Variants in PXDNL observed in about 807,000 individuals in gnomAD.
PXDNL encodes peroxidasin like.
In PXDNL, 145 loss-of-function variants were observed where a neutral mutation model predicts 150.8. That is an observed-to-expected ratio of 0.96 (90% CI 0.84 to 1.10). The LOEUF (loss-of-function observed/expected upper bound fraction) is 1.10, where lower values mean the gene tolerates loss of function less well. PXDNL is among the 50% of genes least tolerant of loss of function. The probability of loss-of-function intolerance (pLI) is 0.00; values close to 1 mark genes in which losing one functional copy is unlikely to be tolerated. For synonymous variants in PXDNL, 757 were observed against 725.7 expected (o/e 1.04, Z -0.69); for missense variants, 2,087 against 1,873.9 (o/e 1.11, Z -2.10).
At chr8:51,483,129 GA>G (rs1487821958) in intron 6 of PXDNL, among the ~76,000 whole-genome samples, 1 of 152,208 alleles carries the variant, frequency 6.6e-6, no homozygotes, top group Non-Finnish European at 1.5e-5. Flanking sequence ...GACACAGGTG[GA>G]AAAAAGTGAT....
At chr8:51,326,841 C>T (rs952661885) in intron 21 of PXDNL, among the ~76,000 whole-genome samples, 1 of 152,032 alleles carries the variant, frequency 6.6e-6, no homozygotes, top group African/African-American at 2.4e-5. Flanking sequence ...CTCTGTACCT[C>T]AGAATGTGAT....
intron 1 of PXDNL, among the ~76,000 whole-genome samples, chr8:51,731,525 T>C (rs2130934513): frequency 6.6e-6 from 1 of 152,364 alleles, no homozygotes; most frequent in African/African-American, 2.4e-5. Context: ...GGAACTACCA[T>C]TTTGGGGTCC....
rs79130173 is a variant in PXDNL at position 51,408,474 on chromosome 8, A to G, written c.3150T>C (p.Thr1050=). 4.4e-3 allele frequency: 7,111 copies of G among 1,613,840 alleles called. 277 individuals are homozygous for G. In the African/African-American group the frequency reaches 0.081, roughly 18 times the overall value. The stretch of plus-strand genomic sequence containing the variant: ...ATGTGTGGCCAAATCTAAAGGCTGC[A>G]GTAGCAAAAGAGTTAATGATGCCTG... ...VNAGIINSFA[T]AAFRFGHTLI... Residue 1050 remains threonine, a synonymous_variant, in exon 17 of 23, where the codon ACT becomes ACC. Transcript: ENST00000356297.
chr8:51,336,759 G>T (rs9298444), intron 21 of PXDNL, among the ~76,000 whole-genome samples: 1 of 151,994 alleles, frequency 6.6e-6, no homozygotes, highest in African/African-American at 2.4e-5. Flanking sequence ...ATTCCTATCA[G>T]TCAGGCATTT....
intron 4 of PXDNL, among the ~76,000 whole-genome samples, chr8:51,524,937 G>A (rs538340623): frequency 1.3e-5 from 2 of 152,268 alleles, no homozygotes; most frequent in Non-Finnish European, 2.9e-5. Flanking sequence ...AACCAACCTA[G>A]AAAACACTAA....
chr8:51,731,911 C>T (rs1816941747), intron 1 of PXDNL, among the ~76,000 whole-genome samples: 1 of 152,162 alleles, frequency 6.6e-6, no homozygotes, highest in Non-Finnish European at 1.5e-5. Flanking sequence ...CCTTCTAGGC[C>T]TCCAAGGCCT....
intron 1 of PXDNL, among the ~76,000 whole-genome samples, chr8:51,780,654 C>CTTTTTTTTTTTTTTTTTTTTTT (rs71237240): frequency 1.9e-4 from 14 of 75,176 alleles, no homozygotes; most frequent in African/African-American, 4.4e-4. Flanking sequence ...CTTTTCTTTT[C>CTTTTTTTTTTTTTTTTTTTTTT]TTTTTTTTTT....
chr8:51,402,183 C>A (rs575674168), intron 17 of PXDNL, among the ~76,000 whole-genome samples: 4 of 152,248 alleles, frequency 2.6e-5, no homozygotes, highest in African/African-American at 9.6e-5. Context: ...AAAATAGGTA[C>A]ATATACTGAA....
At chr8:51,632,083 A>G (rs945520007) in intron 2 of PXDNL, among the ~76,000 whole-genome samples, 2 of 152,152 alleles carry the variant, frequency 1.3e-5, no homozygotes, top group African/African-American at 4.8e-5. Flanking sequence ...CATGATGCAA[A>G]TAATTTTTTT....
chr8:51,684,803 G>A (rs73574293), intron 1 of PXDNL, among the ~76,000 whole-genome samples: 5,163 of 152,202 alleles, frequency 0.034, 276 homozygotes, highest in African/African-American at 0.11. Flanking sequence ...GGGCAGTCAC[G>A]AAGAGCTAAG....
intron 1 of PXDNL, among the ~76,000 whole-genome samples, chr8:51,758,406 C>G (rs1367879957): frequency 6.6e-6 from 1 of 152,132 alleles, no homozygotes; most frequent in African/African-American, 2.4e-5. Flanking sequence ...ATGTTCAACA[C>G]TACATGGAAA....
intron 3 of PXDNL, among the ~76,000 whole-genome samples, chr8:51,560,917 C>A (rs12334791): frequency 0.3 from 44,541 of 150,602 alleles, 8,581 homozygotes; most frequent in African/African-American, 0.55. Context: ...TATACAAAGG[C>A]CTTCTACAAC....
Position 51,453,545 on chromosome 8 carries a change from T to A in PXDNL, c.1223A>T (p.Gln408Leu). 1 of 1,614,074 alleles carries A rather than the reference T, an allele frequency of 6.2e-7. No homozygotes were observed. Among genetic ancestry groups the A allele is most frequent in the Non-Finnish European group, 8.5e-7 (1 of 1,179,912 alleles). ...TTGTACAATTATGTTTGCTGCAGCT[T>A]GAACAGTGCCGTGGCTATTGTTGGC... ...CHANNSHGTVQAAANIIVQAP... is the reference protein window; with the variant it reads ...CHANNSHGTVLAAANIIVQAP... The change falls in exon 10 of 23, where the codon CAA (glutamine) becomes CTA (leucine). Residue 408 changes from glutamine (Q) to leucine (L), a missense_variant. Physicochemically the swap from Gln to Leu is moderately radical, Grantham distance 113. Transcript: ENST00000356297.
chr8:51,747,900 G>T (rs1218643904), intron 1 of PXDNL, among the ~76,000 whole-genome samples: 1 of 150,688 alleles, frequency 6.6e-6, no homozygotes, highest in East Asian at 2.0e-4. Context: ...GCCTGCCTTG[G>T]GGTCTGATCT....
chr8:51,400,535 C>T (rs1808216408), intron 17 of PXDNL, among the ~76,000 whole-genome samples: 1 of 152,174 alleles, frequency 6.6e-6, no homozygotes, highest in Non-Finnish European at 1.5e-5. Context: ...ATTTTGCACT[C>T]TGTTTTTGCT....
intron 10 of PXDNL, 78 bp downstream of exon 10, chr8:51,453,441 T>G (rs1295592419): frequency 7.2e-7 from 1 of 1,392,030 alleles, no homozygotes; most frequent in Non-Finnish European, 1.0e-6. Flanking sequence ...CTGATGTACA[T>G]GACATTATTT....
chr8:51,482,683 T>C (rs1810630454), intron 6 of PXDNL, among the ~76,000 whole-genome samples: 1 of 152,170 alleles, frequency 6.6e-6, no homozygotes, highest in Non-Finnish European at 1.5e-5. Flanking sequence ...TCTCATGAGA[T>C]CTGATGGTTT....
intron 1 of PXDNL, among the ~76,000 whole-genome samples, chr8:51,764,744 C>T (rs1426224924): frequency 1.3e-5 from 2 of 152,116 alleles, no homozygotes; most frequent in African/African-American, 4.8e-5. Flanking sequence ...TATCCTAGAG[C>T]ATGTTTTATG....
At chr8:51,509,359 A>G (rs866026935) in intron 4 of PXDNL, among the ~76,000 whole-genome samples, 15 of 152,116 alleles carry the variant, frequency 9.9e-5, no homozygotes, top group African/African-American at 3.6e-4. Context: ...CTGTCCTTCA[A>G]AACCCTCCAG....
Sources: allele counts gnomAD v4.1 joint callset (sites outside exome capture counted in the v4.1 genomes callset), GRCh38; gene constraint gnomAD v4.1.1; transcripts MANE v1.5; gene names NCBI Gene and HGNC (gene_info 2026-07-23, HGNC 2026-07-21).